The following GLG1 variants were observed in gnomAD, a reference collection of about 807,000 sequenced individuals.
The protein encoded by GLG1 is Golgi apparatus protein 1.
A neutral mutation model predicts 160.5 loss-of-function variants in GLG1; 38 were observed. The ratio of observed to expected loss-of-function variants is 0.24; its 90% CI spans 0.18 to 0.31. GLG1 has a LOEUF of 0.31. Ranked by LOEUF, GLG1 falls within the 10% of genes least tolerant of loss-of-function variation. The probability of loss-of-function intolerance (pLI) is 1.00; values close to 1 mark genes in which losing one functional copy is unlikely to be tolerated. For missense variants in GLG1, 1,373 were observed against 1,505.2 expected, an observed-to-expected ratio of 0.91 and a Z score of 1.45; for synonymous variants, 644 against 543.4, an observed-to-expected ratio of 1.19 and a Z score of -2.57.
intron 1 of GLG1, among the ~76,000 whole-genome samples, chr16:74,551,591 G>A (rs979446055): frequency 2.0e-5 from 3 of 150,862 alleles, no homozygotes; most frequent in African/African-American, 7.3e-5. Flanking sequence ...GTGCTGGAAT[G>A]AGCCACCATG....
At chr16:74,549,441 C>T (rs542765947) in intron 1 of GLG1, among the ~76,000 whole-genome samples, 19 of 152,278 alleles carry the variant, frequency 1.2e-4, no homozygotes, top group African/African-American at 3.6e-4. Context: ...CGCCCGCCAC[C>T]ACGCCCGGCT....
intron 1 of GLG1, among the ~76,000 whole-genome samples, chr16:74,553,988 T>C (rs1032269398): frequency 4.6e-5 from 7 of 152,240 alleles, no homozygotes; most frequent in African/African-American, 1.7e-4. Flanking sequence ...TCTAGATTTA[T>C]GAGATCATTT....
chr16:74,507,349 T>A (rs1407894024), intron 3 of GLG1, among the ~76,000 whole-genome samples: 1 of 151,928 alleles, frequency 6.6e-6, no homozygotes, highest in Non-Finnish European at 1.5e-5. Flanking sequence ...CCTGGGCCAA[T>A]CAAACTGGTA....
intron 1 of GLG1, among the ~76,000 whole-genome samples, chr16:74,570,111 T>C (rs1373667036): frequency 6.6e-6 from 1 of 152,064 alleles, no homozygotes; most frequent in Non-Finnish European, 1.5e-5. Flanking sequence ...TTTTGCTCCA[T>C]AATTACAAAA....
intron 1 of GLG1, among the ~76,000 whole-genome samples, chr16:74,553,367 T>C (rs940610365): frequency 2.2e-4 from 33 of 152,180 alleles, no homozygotes; most frequent in African/African-American, 7.5e-4. Context: ...CGGCTACTAT[T>C]TTCTTCAAAA....
rs149127519 is a variant in GLG1, at chr16:74,509,001, T to C, written c.472-76A>G. ...TACGAAATTTATTATCAACGTTAAA[T>C]GACAAAAGCCAATTATACAGAGTCA... On this transcript the variant is annotated intron_variant, in intron 2 of 25. Coordinates refer to ENST00000422840, the MANE Select transcript of GLG1 (RefSeq NM_001145667.2). 1.8e-4 allele frequency: 122 copies of C among 690,482 alleles called. No homozygotes were observed. In the African/African-American group the frequency reaches 2.0e-3, roughly 11 times the overall value. 42.8% of individuals were successfully genotyped at this position (690,482 alleles called of 1,614,324 possible).
rs530182487 is a variant in GLG1, at chr16:74,602,738, G to A, written c.438+3919C>T. Reference sequence around the variant, plus strand: ...GCTGAGGTTGCAGTGAGCCAAGATCGTGCCCCTGCACTCCAGCCTGGGTGA... The same window carrying A: ...GCTGAGGTTGCAGTGAGCCAAGATCATGCCCCTGCACTCCAGCCTGGGTGA... On this transcript the variant is annotated intron_variant, in intron 1 of 25. Transcript: ENST00000422840. Among the ~76,000 whole-genome samples the A allele has an allele frequency of 3.0e-4, 45 of 151,736 alleles. 1 individual carries two copies. The highest frequency in any genetic ancestry group is 1.0e-3 in the South Asian group (5 of 4,800).
chr16:74,469,981 A>C lies in GLG1; in HGVS notation c.2318+4T>G. Reference sequence around the variant, plus strand: ...GTGGAATGAAACAACTACAAGCTACATACTTCTTTTTTATGTTTGGGCAAA... The same window carrying C: ...GTGGAATGAAACAACTACAAGCTACCTACTTCTTTTTTATGTTTGGGCAAA... On this transcript the variant is annotated splice_donor_region_variant and intron_variant, in intron 16 of 25. Coordinates refer to ENST00000422840, the MANE Select transcript of GLG1 (RefSeq NM_001145667.2). 1 of 1,553,254 alleles carries C rather than the reference A, an allele frequency of 6.4e-7. No individual in the cohort carries two copies. Among genetic ancestry groups the C allele is most frequent in the Non-Finnish European group, 8.9e-7 (1 of 1,124,396 alleles).
chr16:74,538,130 A>C (rs1288845485), intron 1 of GLG1, among the ~76,000 whole-genome samples: 20 of 150,970 alleles, frequency 1.3e-4, no homozygotes, highest in African/African-American at 4.6e-4. Flanking sequence ...TTCTAAGATA[A>C]CTGGTACTAA....
chr16:74,498,868 CAAAAAAA>C (rs57372225), intron 4 of GLG1, among the ~76,000 whole-genome samples: 5 of 75,830 alleles, frequency 6.6e-5, no homozygotes, highest in African/African-American at 2.2e-4. Context: ...CCGTCTCAGG[CAAAAAAA>C]AAAAAAAAAA....
At chr16:74,542,597 A>G (rs1386982846) in intron 1 of GLG1, among the ~76,000 whole-genome samples, 1 of 149,856 alleles carries the variant, frequency 6.7e-6, no homozygotes, top group African/African-American at 2.5e-5. Context: ...GCTTGAACCC[A>G]GAAGGCGGAA....
intron 1 of GLG1, among the ~76,000 whole-genome samples, chr16:74,559,200 C>T (rs2018437697): frequency 6.6e-6 from 1 of 152,060 alleles, no homozygotes; most frequent in South Asian, 2.1e-4. Context: ...TATCTGAGTA[C>T]ATTTCCTTAT....
chr16:74,463,954 A>T (rs1490455760), intron 19 of GLG1: 1 of 176,600 alleles, frequency 5.7e-6, no homozygotes, highest in Non-Finnish European at 1.2e-5. Context: ...AGCTGTGATC[A>T]ATTAGTTGTA....
chr16:74,533,389 C>T (rs1176550901), intron 1 of GLG1, among the ~76,000 whole-genome samples: 1 of 152,198 alleles, frequency 6.6e-6, no homozygotes, highest in African/African-American at 2.4e-5. Context: ...GACTAGGTTT[C>T]ACGTAGTATT....
At chr16:74,557,277 T>C (rs1013632919) in intron 1 of GLG1, among the ~76,000 whole-genome samples, 2 of 152,204 alleles carry the variant, frequency 1.3e-5, no homozygotes, top group African/African-American at 4.8e-5. Context: ...CTTTATTTCC[T>C]GCTTATCCAT....
intron 1 of GLG1, among the ~76,000 whole-genome samples, chr16:74,591,097 C>T (rs1323936644): frequency 6.6e-6 from 1 of 152,062 alleles, no homozygotes; most frequent in South Asian, 2.1e-4. Context: ...CTTTGGGAGG[C>T]CAAGGTGGGC....
intron 1 of GLG1, among the ~76,000 whole-genome samples, chr16:74,583,506 A>C (rs1485239909): frequency 1.3e-5 from 2 of 152,046 alleles, no homozygotes; most frequent in Non-Finnish European, 2.9e-5. Context: ...TCAACTCCCT[A>C]GTAGCTGGGA....
chr16:74,524,376 A>T (rs915757618), intron 2 of GLG1, among the ~76,000 whole-genome samples: 9 of 152,164 alleles, frequency 5.9e-5, no homozygotes, highest in African/African-American at 2.2e-4. Flanking sequence ...TTCACCATGA[A>T]GTACGATGCT....
intron 5 of GLG1, among the ~76,000 whole-genome samples, chr16:74,496,098 T>C (rs892981482): frequency 6.6e-6 from 1 of 152,124 alleles, no homozygotes; most frequent in African/African-American, 2.4e-5. Flanking sequence ...GCCCCATCTC[T>C]ACAAAAAATT....
Sources: gnomAD v4.1 joint callset for allele counts (sites outside exome capture counted in the v4.1 genomes callset) on GRCh38, gnomAD v4.1.1 for gene constraint, MANE v1.5 for transcripts, NCBI Gene and HGNC (gene_info 2026-07-23, HGNC 2026-07-21) for gene names.